The following ABHD18 variants were observed in gnomAD, a reference collection of about 807,000 sequenced individuals.
ABHD18 encodes abhydrolase domain containing 18.
A neutral mutation model predicts 65.9 loss-of-function variants in ABHD18; 55 were observed. The observed-to-expected ratio is 0.84, with a 90% CI of 0.67 to 1.05. ABHD18 has a LOEUF of 1.05. Among genes scored for constraint, ABHD18 ranks in the 50% least tolerant of loss-of-function variants. The pLI, the probability that ABHD18 is intolerant of heterozygous loss-of-function variation, is 0.00. For synonymous variants in ABHD18, 181 were observed against 180.2 expected, an observed-to-expected ratio of 1.00 and a Z score of -0.04; for missense variants, 533 against 558.5, an observed-to-expected ratio of 0.95 and a Z score of 0.46.
In ABHD18 at chr4:127,968,815, C is replaced by T. The variant is rs115006110; in HGVS notation, c.-18+3209C>T. ...GACTTTTAAGTATCTGGCATGACTC[C>T]AGATGGTGCCTTATTTTGGTGATTT... On this transcript the variant is annotated intron_variant, in intron 1 of 12. Transcript: ENST00000645843. Among the ~76,000 whole-genome samples, 780 of 152,202 alleles carry T rather than the reference C, an allele frequency of 5.1e-3. 8 individuals carry two copies. The highest frequency in any genetic ancestry group is 0.018 in the African/African-American group (752 of 41,506).
intron 8 of ABHD18, among the ~76,000 whole-genome samples, chr4:128,018,787 G>A (rs1160048016): frequency 6.6e-6 from 1 of 152,056 alleles, no homozygotes; most frequent in Non-Finnish European, 1.5e-5. Flanking sequence ...GCCGAGGCGG[G>A]CAGATCACCT....
At chr4:128,001,970 G>A (rs1050368636) in intron 4 of ABHD18, among the ~76,000 whole-genome samples, 5 of 151,762 alleles carry the variant, frequency 3.3e-5, no homozygotes, top group Non-Finnish European at 5.9e-5. Flanking sequence ...TCTTTTATGA[G>A]AGTCCTGTTA....
At chr4:127,984,509 A>C in intron 3 of ABHD18, 86 bp downstream of exon 3, 2 of 658,988 alleles carry the variant, frequency 3.0e-6, no homozygotes, top group Non-Finnish European at 5.0e-6. Flanking sequence ...GAGTATAACA[A>C]CAATAAACAC....
At chr4:128,010,946 A>G (rs1289242345) in intron 6 of ABHD18, among the ~76,000 whole-genome samples, 2 of 151,810 alleles carry the variant, frequency 1.3e-5, no homozygotes, top group Non-Finnish European at 2.9e-5. Context: ...GAAATACACC[A>G]AAATGTTAAT....
At chr4:128,008,677 G>T (rs1225853392) in intron 4 of ABHD18, among the ~76,000 whole-genome samples, 2 of 152,106 alleles carry the variant, frequency 1.3e-5, no homozygotes, top group African/African-American at 4.8e-5. Flanking sequence ...ACAAGGTAAA[G>T]AATAGGGACA....
chr4:127,969,749 ATTT>A (rs200187541), intron 1 of ABHD18, among the ~76,000 whole-genome samples: 1 of 141,948 alleles, frequency 7.0e-6, no homozygotes, highest in Non-Finnish European at 1.6e-5. Context: ...AGGTGTTGGA[ATTT>A]TTTTTTTTTT....
chr4:127,977,491 A>G (rs1289248469), intron 1 of ABHD18, among the ~76,000 whole-genome samples: 8 of 152,248 alleles, frequency 5.3e-5, no homozygotes, highest in African/African-American at 1.9e-4. Flanking sequence ...AAAATAAAAA[A>G]TAAATTTAAA....
At chr4:127,992,308 C>G (rs1462597456) in intron 4 of ABHD18, among the ~76,000 whole-genome samples, 1 of 151,994 alleles carries the variant, frequency 6.6e-6, no homozygotes, top group Non-Finnish European at 1.5e-5. Context: ...CCCGTCTCTA[C>G]TAAAAATACA....
intron 4 of ABHD18, among the ~76,000 whole-genome samples, chr4:128,006,494 G>A (rs1216208604): frequency 6.6e-6 from 1 of 152,060 alleles, no homozygotes; most frequent in African/African-American, 2.4e-5. Context: ...ATCTGTCTTT[G>A]TTCTATTCAG....
At chr4:127,993,922 A>G (rs1751328010) in intron 4 of ABHD18, among the ~76,000 whole-genome samples, 1 of 152,184 alleles carries the variant, frequency 6.6e-6, no homozygotes, top group Admixed American at 6.5e-5. Context: ...CAGATTTTAA[A>G]CTTTTGATCA....
At chr4:128,035,347 G>A (rs959370974) in intron 12 of ABHD18, among the ~76,000 whole-genome samples, 7 of 152,084 alleles carry the variant, frequency 4.6e-5, no homozygotes, top group African/African-American at 1.7e-4. Flanking sequence ...TGAGGCAGGC[G>A]GATCACTTGA....
rs1427861712 is a variant in ABHD18, at chr4:128,011,668, C to T, written c.443-5C>T. On this transcript the variant is annotated splice_polypyrimidine_tract_variant and splice_region_variant and intron_variant, in intron 6 of 12. Coordinates refer to ENST00000645843, the MANE Select transcript of ABHD18 (RefSeq NM_001358451.3). ...TAAAACTTTCTCTTTGACCCACATT[C>T]TTAAATGGCTGCAGGAAACCCAAGG... 1 of 1,548,684 alleles carries T rather than the reference C, an allele frequency of 6.5e-7. No homozygotes were observed. The highest frequency in any genetic ancestry group is 8.7e-7 in the Non-Finnish European group (1 of 1,145,768).
chr4:127,984,703 A>G (rs1488693233), intron 3 of ABHD18, among the ~76,000 whole-genome samples: 2 of 152,146 alleles, frequency 1.3e-5, no homozygotes, highest in Non-Finnish European at 2.9e-5. Flanking sequence ...CTTAAAAAAA[A>G]TACAAAATTA....
intron 1 of ABHD18, among the ~76,000 whole-genome samples, chr4:127,966,716 A>T (rs1041190866): frequency 7.6e-6 from 1 of 131,888 alleles, no homozygotes; most frequent in African/African-American, 3.2e-5. Context: ...AAAAAAAAAA[A>T]AAAAAAAAAA....
At chr4:128,031,983 A>G (rs1190000781) in intron 12 of ABHD18, among the ~76,000 whole-genome samples, 1 of 152,216 alleles carries the variant, frequency 6.6e-6, no homozygotes. Flanking sequence ...GTTCTGTTAT[A>G]CATGTGAACG....
At chr4:127,971,082 A>G (rs1160526337) in intron 1 of ABHD18, among the ~76,000 whole-genome samples, 1 of 151,618 alleles carries the variant, frequency 6.6e-6, no homozygotes, top group East Asian at 1.9e-4. Context: ...TCTCAAAAAA[A>G]AAAAAAAAGA....
chr4:128,017,556 G>A (rs1579393522), intron 8 of ABHD18, 55 bp downstream of exon 8: 1 of 1,462,768 alleles, frequency 6.8e-7, no homozygotes, highest in East Asian at 2.4e-5. Context: ...GTAAGATCTA[G>A]AGAACCTGGT....
chr4:128,031,204 C>CAA, intron 12 of ABHD18: 1 of 930,218 alleles, frequency 1.1e-6, no homozygotes, highest in Non-Finnish European at 1.3e-6. Flanking sequence ...CCTGTAATCC[C>CAA]AGCACTTTGG....
intron 11 of ABHD18, among the ~76,000 whole-genome samples, 185 bp downstream of exon 11, chr4:128,029,038 G>T (rs781367906): frequency 1.8e-4 from 27 of 152,022 alleles, no homozygotes; most frequent in Non-Finnish European, 3.1e-4. Flanking sequence ...GAAAATTTAA[G>T]ATTATCTTAT....
Sources: allele counts gnomAD v4.1 joint callset (sites outside exome capture counted in the v4.1 genomes callset), GRCh38; gene constraint gnomAD v4.1.1; transcripts MANE v1.5; gene names NCBI Gene and HGNC (gene_info 2026-07-23, HGNC 2026-07-21).